TBC1D12: variants seen among roughly 807,000 people sequenced by gnomAD.
TBC1D12 encodes the protein TBC1 domain family, member 12.
A neutral mutation model predicts 86.7 loss-of-function variants in TBC1D12; 56 were observed. That is an observed-to-expected ratio of 0.65 (90% CI 0.52 to 0.81). The LOEUF (loss-of-function observed/expected upper bound fraction) is 0.81. Among genes scored for constraint, TBC1D12 ranks in the 30% least tolerant of loss-of-function variants. The pLI is 0.00. For synonymous variants in TBC1D12, 421 were observed against 411.7 expected (o/e 1.02, Z -0.27); for missense variants, 1,023 against 1,038.8 (o/e 0.98, Z 0.21).
chr10:94,491,917 A>G lies in TBC1D12; in HGVS notation c.1212-1448A>G, dbSNP rs2056250604. ...AGGTGAAAGTTCTCAAATTAATAAG[A>G]AAAAAAAATCATATGCTGAAGTTGC... On this transcript the variant is annotated intron_variant, in intron 3 of 12. Coordinates refer to ENST00000225235, the MANE Select transcript of TBC1D12 (RefSeq NM_015188.2). 5.5e-5 allele frequency among the ~76,000 whole-genome samples: 6 copies of G among 108,330 alleles called. 1 individual carries two copies. In the Admixed American group the frequency reaches 5.8e-4, roughly 10 times the overall value. 71.1% of individuals were successfully genotyped at this position (108,330 alleles called of 152,430 possible).
chr10:94,441,083 C>T (rs58324538), intron 1 of TBC1D12, among the ~76,000 whole-genome samples: 3,150 of 151,396 alleles, frequency 0.021, 107 homozygotes, highest in African/African-American at 0.07. Flanking sequence ...CTGCTGACCT[C>T]GTGATCCGCC....
At chr10:94,418,584 T>A (rs1196472009) in intron 1 of TBC1D12, among the ~76,000 whole-genome samples, 1 of 147,938 alleles carries the variant, frequency 6.8e-6, no homozygotes. Flanking sequence ...TATTATTATA[T>A]TATTTTTGAG....
At chr10:94,522,842 G>A (rs1842187080) in intron 11 of TBC1D12, among the ~76,000 whole-genome samples, 1 of 151,838 alleles carries the variant, frequency 6.6e-6, no homozygotes, top group South Asian at 2.1e-4. Context: ...TCAGGAGTTC[G>A]AAACCAGCCT....
intron 11 of TBC1D12, among the ~76,000 whole-genome samples, chr10:94,524,216 C>T (rs1194692664): frequency 6.6e-6 from 1 of 152,022 alleles, no homozygotes; most frequent in East Asian, 1.9e-4. Flanking sequence ...GGGGAGAGAA[C>T]AAGGAGACTC....
intron 6 of TBC1D12, among the ~76,000 whole-genome samples, chr10:94,501,743 T>C (rs1371034195): frequency 6.6e-6 from 1 of 151,708 alleles, no homozygotes; most frequent in Non-Finnish European, 1.5e-5. Flanking sequence ...AGATGGGGTT[T>C]TGCCATGCTG....
At chr10:94,461,450 A>G (rs1302462144) in intron 2 of TBC1D12, among the ~76,000 whole-genome samples, 1 of 152,170 alleles carries the variant, frequency 6.6e-6, no homozygotes, top group Non-Finnish European at 1.5e-5. Flanking sequence ...AACAGAATGT[A>G]AAGGACTATT....
intron 2 of TBC1D12, among the ~76,000 whole-genome samples, chr10:94,446,006 TCTA>T (rs1475078602): frequency 6.6e-6 from 1 of 152,194 alleles, no homozygotes; most frequent in African/African-American, 2.4e-5. Flanking sequence ...CCTCTTGCTT[TCTA>T]CTATCTCTGC....
intron 3 of TBC1D12, among the ~76,000 whole-genome samples, chr10:94,481,549 C>T (rs2056078472): frequency 6.6e-6 from 1 of 152,218 alleles, no homozygotes; most frequent in Admixed American, 6.5e-5. Flanking sequence ...TCACTTCTCA[C>T]CCTTCATAGA....
At position 94,403,259 on chromosome 10, in the gene TBC1D12, G is replaced by A; in HGVS notation, c.646G>A (p.Gly216Ser). The A allele has an allele frequency of 6.6e-7, 1 of 1,504,750 alleles. No homozygotes were observed. Among genetic ancestry groups the A allele is most frequent in the Non-Finnish European group, 8.9e-7 (1 of 1,128,528 alleles). The allele number at this position is 1,504,750 out of a possible 1,614,324, so 93.2% of individuals were successfully genotyped here. ...AADAQEPEGAGSDSGDSPASS... is the reference protein window; with the variant it reads ...AADAQEPEGASSDSGDSPASS... ...GGACGCCCAGGAGCCCGAGGGCGCGGGCAGCGACTCGGGGGACAGCCCCGC... is the reference window on the plus strand; with the variant it reads ...GGACGCCCAGGAGCCCGAGGGCGCGAGCAGCGACTCGGGGGACAGCCCCGC... The change falls in exon 1 of 13, where the codon GGC becomes AGC. Residue 216 changes from glycine to serine, a missense_variant. Physicochemically the swap from Gly to Ser is moderately conservative, Grantham distance 56. This residue lies in a region of TBC1D12 where 628 missense variants were observed against 531.1 expected (regional missense o/e 1.18). Transcript: ENST00000225235.
In TBC1D12 at chr10:94,402,733, C is replaced by T. The variant is rs1429675250; in HGVS notation, c.120C>T (p.Gly40=). ...RKVIRATGGF[G]GGVGAVEPPE... ...TAATCCGGGCCACGGGCGGCTTTGG[C>T]GGAGGCGTCGGCGCTGTGGAGCCGC... is the stretch of plus-strand genomic sequence containing the variant. The change falls in exon 1 of 13, where the codon GGC becomes GGT. Residue 40 remains glycine (G), a synonymous_variant. Coordinates refer to ENST00000225235, the MANE Select transcript of TBC1D12 (RefSeq NM_015188.2). The T allele has an allele frequency of 4.5e-6, 7 of 1,560,696 alleles. No individual in the cohort carries two copies. The highest frequency in any genetic ancestry group is 2.3e-5 in the South Asian group (2 of 85,506).
At chr10:94,500,349 A>T (rs2056378831) in intron 6 of TBC1D12, 22 bp downstream of exon 6, 4 of 1,598,936 alleles carry the variant, frequency 2.5e-6, no homozygotes, top group African/African-American at 2.7e-5. Flanking sequence ...ACGTTCAGTT[A>T]TTCCCACATG....
intron 2 of TBC1D12, among the ~76,000 whole-genome samples, chr10:94,465,670 A>ATATGTG (rs1473804309): frequency 9.4e-4 from 130 of 137,956 alleles, no homozygotes; most frequent in Middle Eastern, 3.7e-3. Context: ...ATATATATAT[A>ATATGTG]TGTGTGTGTG....
At chr10:94,403,637 CCGGGGTCTTGGTGGGAGT>C in intron 1 of TBC1D12, 53 bp downstream of exon 1, 3 of 1,403,660 alleles carry the variant, frequency 2.1e-6, no homozygotes, top group Non-Finnish European at 2.8e-6. Flanking sequence ...GGGGCCGGAG[CCGGGGTCTTGGTGGGAGT>C]CGGAGCCGGA....
intron 1 of TBC1D12, among the ~76,000 whole-genome samples, chr10:94,426,631 C>T (rs553608719): frequency 6.6e-6 from 1 of 152,218 alleles, no homozygotes; most frequent in East Asian, 1.9e-4. Context: ...GGCTGGAGTG[C>T]AGTGGTAACG....
At chr10:94,404,303 T>C (rs2054820494) in intron 1 of TBC1D12, among the ~76,000 whole-genome samples, 1 of 152,142 alleles carries the variant, frequency 6.6e-6, no homozygotes, top group Admixed American at 6.5e-5. Flanking sequence ...ATAACTTTAG[T>C]TTTTTTAAAA....
At chr10:94,425,132 G>T (rs2055129392) in intron 1 of TBC1D12, among the ~76,000 whole-genome samples, 2 of 152,172 alleles carry the variant, frequency 1.3e-5, no homozygotes, top group Non-Finnish European at 2.9e-5. Flanking sequence ...TACTCCTCTG[G>T]CACTACCTCT....
At chr10:94,409,062 T>A (rs933563117) in intron 1 of TBC1D12, among the ~76,000 whole-genome samples, 1 of 152,200 alleles carries the variant, frequency 6.6e-6, no homozygotes, top group African/African-American at 2.4e-5. Flanking sequence ...TTATGTTAAA[T>A]TGGGGAGCTA....
At position 94,503,261 on chromosome 10, in the gene TBC1D12, A is replaced by G. The variant is rs1038106584; in HGVS notation, c.1519+2934A>G. 5.9e-5 allele frequency among the ~76,000 whole-genome samples: 9 copies of G among 152,196 alleles called. 1 individual carries two copies. Among genetic ancestry groups the G allele is most frequent in the African/African-American group, 1.7e-4 (7 of 41,454 alleles). On this transcript the variant is annotated intron_variant, in intron 6 of 12. Transcript: ENST00000225235. ...AAAAAAGACATATATGTTAACATCC[A>G]AGTACTGTTTTTCATCCCTCAAAAG... is the stretch of plus-strand genomic sequence containing the variant.
chr10:94,507,146 T>A, intron 6 of TBC1D12, 121 bp from the exon 7 acceptor site: 2 of 924,342 alleles, frequency 2.2e-6, no homozygotes, highest in East Asian at 5.3e-5. Context: ...ATTTGCCACT[T>A]TTTTGATGCT....
Sources: allele counts gnomAD v4.1 joint callset (sites outside exome capture counted in the v4.1 genomes callset), GRCh38; gene constraint gnomAD v4.1.1; regional missense constraint gnomAD v4.1.1; transcripts MANE v1.5; gene names NCBI Gene and HGNC (gene_info 2026-07-23, HGNC 2026-07-21).